ZEB1: variants seen among roughly 807,000 people sequenced by gnomAD.
ZEB1 encodes zinc finger E-box-binding homeobox 1.
A neutral mutation model predicts 84.9 loss-of-function variants in ZEB1; 21 were observed. The ratio of observed to expected loss-of-function variants is 0.25; its 90% confidence interval spans 0.18 to 0.36. The LOEUF (loss-of-function observed/expected upper bound fraction) is 0.36. Among genes scored for constraint, ZEB1 ranks in the 10% least tolerant of loss-of-function variants. The pLI is 1.00. For missense variants in ZEB1, 1,104 were observed against 1,330.2 expected (o/e 0.83, Z 2.65); for synonymous variants, 420 against 471.1 (o/e 0.89, Z 1.41).
rs140957616 is a variant in ZEB1, at chr10:31,372,412, G to A, written c.58+53120G>A. ...ATCATAAAGCCTATGGTCAAAAATC[G>A]TATATAAATGACAGGCCCTATGAAG... On this transcript the variant is annotated intron_variant, in intron 1 of 8. Coordinates refer to ENST00000424869, the MANE Select transcript of ZEB1 (RefSeq NM_001174096.2). Among the ~76,000 whole-genome samples, 738 of 152,074 alleles carry A rather than the reference G, an allele frequency of 4.9e-3. 15 individuals are homozygous for A. Among genetic ancestry groups the A allele is most frequent in the Middle Eastern group, 0.024 (7 of 294 alleles).
chr10:31,366,221 C>T (rs926942952), intron 1 of ZEB1, among the ~76,000 whole-genome samples: 1 of 152,148 alleles, frequency 6.6e-6, no homozygotes, highest in Non-Finnish European at 1.5e-5. Flanking sequence ...CTTGAATATA[C>T]CAGGACAGAC....
intron 1 of ZEB1, among the ~76,000 whole-genome samples, chr10:31,422,574 A>G (rs1241625507): frequency 3.3e-5 from 5 of 152,198 alleles, no homozygotes; most frequent in African/African-American, 4.8e-5. Context: ...AAGATGGTGC[A>G]GTAGCATCAT....
At position 31,521,169 on chromosome 10, in the gene ZEB1, T is replaced by C; in HGVS notation, c.1837T>C (p.Ser613Pro). 1 of 1,614,048 alleles carries C rather than the reference T, an allele frequency of 6.2e-7. No homozygotes were observed. The highest frequency in any genetic ancestry group is 2.2e-5 in the East Asian group (1 of 44,870). Reference protein sequence around the residue: ...LNAQPSAEELSKIADSVNLPL... With the variant: ...LNAQPSAEELPKIADSVNLPL... ...TGCACAACCAAGTGCAGAAGAGCTC[T>C]CAAAAATTGCTGATTCAGTAAACCT... Residue 613 changes from serine to proline, a missense_variant, in exon 7 of 9, where the codon TCA becomes CCA. Physicochemically the swap from Ser to Pro is moderately conservative, Grantham distance 74 (BLOSUM62 -1). Around this residue, in one of 7 missense-constraint regions of ZEB1, gnomAD observed 531 missense variants for 575.2 expected, o/e 0.92. Coordinates refer to ENST00000424869, the MANE Select transcript of ZEB1 (RefSeq NM_001174096.2).
At chr10:31,386,708 G>C (rs2048697350) in intron 1 of ZEB1, among the ~76,000 whole-genome samples, 1 of 152,076 alleles carries the variant, frequency 6.6e-6, no homozygotes, top group Non-Finnish European at 1.5e-5. Flanking sequence ...CTTTTCTGTT[G>C]TTAGGAAATA....
At chr10:31,508,715 C>G (rs1388028870) in intron 4 of ZEB1, among the ~76,000 whole-genome samples, 1 of 152,060 alleles carries the variant, frequency 6.6e-6, no homozygotes, top group Non-Finnish European at 1.5e-5. Flanking sequence ...AGGCCACCAG[C>G]AGAGTGCTCA....
At chr10:31,469,696 T>G (rs1483671863) in intron 2 of ZEB1, among the ~76,000 whole-genome samples, 1 of 152,230 alleles carries the variant, frequency 6.6e-6, no homozygotes, top group Non-Finnish European at 1.5e-5. Context: ...AAGCTGGAAC[T>G]GGGTGAAGCC....
intron 1 of ZEB1, among the ~76,000 whole-genome samples, chr10:31,433,256 C>G (rs1428634819): frequency 6.6e-6 from 1 of 152,118 alleles, no homozygotes; most frequent in Non-Finnish European, 1.5e-5. Flanking sequence ...TTCCATTTTA[C>G]CCAATCAAAA....
At chr10:31,397,192 A>G (rs1564712425) in intron 1 of ZEB1, among the ~76,000 whole-genome samples, 1 of 144,134 alleles carries the variant, frequency 6.9e-6, no homozygotes, top group South Asian at 2.2e-4. Context: ...TATTATTATT[A>G]TTATTATTAT....
At chr10:31,368,670 T>C (rs2045076351) in intron 1 of ZEB1, among the ~76,000 whole-genome samples, 1 of 152,176 alleles carries the variant, frequency 6.6e-6, no homozygotes, top group Non-Finnish European at 1.5e-5. Context: ...AAGCATTTAT[T>C]TTCTGTTTTA....
In ZEB1 at chr10:31,524,640, G is replaced by T. The variant is rs1445924325; in HGVS notation, c.2785+527G>T. On this transcript the variant is annotated intron_variant, in intron 8 of 8. Coordinates refer to ENST00000424869, the MANE Select transcript of ZEB1 (RefSeq NM_001174096.2). ...TCATCTGTTTTTTTGTTTTTTTCAT[G>T]ACTTATTTCCTTTAAGCTGACACAG... 3.3e-5 allele frequency among the ~76,000 whole-genome samples: 5 copies of T among 151,624 alleles called. No individual in the cohort carries two copies. The East Asian group carries it at 9.7e-4, about 29-fold the overall frequency.
intron 1 of ZEB1, among the ~76,000 whole-genome samples, chr10:31,401,660 C>G (rs932534072): frequency 1.3e-5 from 2 of 152,118 alleles, no homozygotes; most frequent in Admixed American, 1.3e-4. Context: ...TGCACTGAAA[C>G]AAATTTGCAT....
intron 1 of ZEB1, among the ~76,000 whole-genome samples, chr10:31,417,962 T>A (rs1056606865): frequency 4.6e-5 from 7 of 151,966 alleles, no homozygotes; most frequent in Middle Eastern, 6.3e-3. Context: ...TACAGGTAAA[T>A]ACAAGAGTAT....
intron 5 of ZEB1, 24 bp from the exon 6 acceptor site, chr10:31,514,578 TA>T: frequency 6.2e-7 from 1 of 1,600,142 alleles, no homozygotes; most frequent in Admixed American, 1.7e-5. Context: ...GCTTTTCAAA[TA>T]AAATACCAGT....
At chr10:31,458,466 C>T (rs1317446947) in intron 1 of ZEB1, among the ~76,000 whole-genome samples, 4 of 151,786 alleles carry the variant, frequency 2.6e-5, no homozygotes, top group African/African-American at 7.3e-5. Flanking sequence ...AAAATCATTC[C>T]CCTTACCCAC....
chr10:31,338,692 G>C (rs2038734383), intron 1 of ZEB1, among the ~76,000 whole-genome samples: 1 of 152,090 alleles, frequency 6.6e-6, no homozygotes, highest in African/African-American at 2.4e-5. Flanking sequence ...ACTCTTCAAT[G>C]AATTTTGTGT....
intron 4 of ZEB1, among the ~76,000 whole-genome samples, chr10:31,503,390 C>A (rs991707275): frequency 1.3e-5 from 2 of 152,018 alleles, no homozygotes; most frequent in African/African-American, 4.8e-5. Flanking sequence ...TCTGTCATAT[C>A]AGCGACATTT....
At chr10:31,426,799 C>A (rs2056988275) in intron 1 of ZEB1, among the ~76,000 whole-genome samples, 2 of 152,116 alleles carry the variant, frequency 1.3e-5, no homozygotes, top group South Asian at 2.1e-4. Flanking sequence ...TAACATAGAT[C>A]CCTAGTTCTT....
At chr10:31,371,495 G>T (rs1024416869) in intron 1 of ZEB1, among the ~76,000 whole-genome samples, 1 of 152,060 alleles carries the variant, frequency 6.6e-6, no homozygotes, top group Non-Finnish European at 1.5e-5. Context: ...GAAAAACGTC[G>T]TTATGTATTT....
chr10:31,440,342 G>A lies in ZEB1; in HGVS notation c.59-20695G>A, dbSNP rs1449001645. Among the ~76,000 whole-genome samples, 4 of 152,260 alleles carry A rather than the reference G, an allele frequency of 2.6e-5. No individual in the cohort carries two copies. In the East Asian group the frequency reaches 7.7e-4, roughly 29 times the overall value. ...CTCAATAGATGCAGAAAAGGCCTTT[G>A]ACAAAATTCAACAGCCCTTCATGCT... On this transcript the variant is annotated intron_variant, in intron 1 of 8. Transcript: ENST00000424869.
Sources: allele counts gnomAD v4.1 joint callset (sites outside exome capture counted in the v4.1 genomes callset), GRCh38; gene constraint gnomAD v4.1.1; regional missense constraint gnomAD v4.1.1; transcripts MANE v1.5; gene names NCBI Gene and HGNC (gene_info 2026-07-23, HGNC 2026-07-21).